ANAPC1: variants seen among roughly 807,000 people sequenced by gnomAD.
The protein encoded by ANAPC1 is anaphase promoting complex subunit 1.
ANAPC1 carries 36 observed loss-of-function variants against 208.0 expected under a neutral mutation model. The ratio of observed to expected loss-of-function variants is 0.17; its 90% CI spans 0.13 to 0.23. The LOEUF is 0.23. Ranked by LOEUF, ANAPC1 falls within the 10% of genes least tolerant of loss-of-function variation. The pLI is 1.00. For synonymous variants in ANAPC1, 378 were observed against 695.2 expected (o/e 0.54, Z 7.18); for missense variants, 942 against 2,011.6 (o/e 0.47, Z 10.17).
chr2:111,779,721 T>C (rs1421066491), intron 44 of ANAPC1: 1 of 156,034 alleles, frequency 6.4e-6, no homozygotes, highest in African/African-American at 2.4e-5. Flanking sequence ...TACATGCCTG[T>C]AGTCCCAGCT....
intron 21 of ANAPC1, among the ~76,000 whole-genome samples, chr2:111,828,011 T>C (rs1679930089): frequency 6.6e-6 from 1 of 152,090 alleles, no homozygotes; most frequent in African/African-American, 2.4e-5. Flanking sequence ...CAGAAAAACC[T>C]ATAGAATGGG....
chr2:111,810,223 G>A (rs7574263), intron 28 of ANAPC1, among the ~76,000 whole-genome samples: 35,251 of 150,422 alleles, frequency 0.23, 4,406 homozygotes, highest in South Asian at 0.35. Flanking sequence ...ATATGACTCC[G>A]TTCACATGAA....
At chr2:111,772,602 C>T (rs1226485399) in intron 46 of ANAPC1, 127 bp from the exon 47 acceptor site, 10 of 503,632 alleles carry the variant, frequency 2.0e-5, no homozygotes, top group African/African-American at 6.1e-5. Flanking sequence ...GTTCTATAGC[C>T]GGTATTGAGG....
chr2:111,836,826 G>C (rs1680494891), intron 18 of ANAPC1, among the ~76,000 whole-genome samples: 1 of 151,976 alleles, frequency 6.6e-6, no homozygotes, highest in Non-Finnish European at 1.5e-5. Flanking sequence ...AAATTAGCCA[G>C]GCATGGTGGC....
intron 3 of ANAPC1, among the ~76,000 whole-genome samples, chr2:111,873,900 G>A (rs569767206): frequency 6.6e-6 from 1 of 151,598 alleles, no homozygotes; most frequent in Non-Finnish European, 1.5e-5. Flanking sequence ...AGATCCATAG[G>A]AATTAAAATT....
intron 44 of ANAPC1, chr2:111,779,161 G>A (rs1205094446): frequency 5.4e-6 from 1 of 184,244 alleles, no homozygotes; most frequent in Non-Finnish European, 1.1e-5. Context: ...GTCAAGTCCA[G>A]CTGGGGTTAA....
At chr2:111,821,524 T>C in intron 25 of ANAPC1, 71 bp from the exon 26 acceptor site, 2 of 1,466,474 alleles carry the variant, frequency 1.4e-6, no homozygotes, top group South Asian at 1.2e-5. Context: ...CATGAGGATA[T>C]ATAGGCTGAT....
intron 10 of ANAPC1, among the ~76,000 whole-genome samples, chr2:111,860,617 G>A (rs1354739883): frequency 7.5e-4 from 111 of 148,986 alleles, no homozygotes; most frequent in African/African-American, 2.7e-3. Context: ...CCAGTACCTG[G>A]CAATACTGGC....
Position 111,856,086 on chromosome 2 carries a change from T to G in ANAPC1, c.1515+528A>C, listed in dbSNP as rs183739767. Reference sequence around the variant, plus strand: ...CCGTCTCTACTAAAAATACAAAAAATTAGCCAGGCGTGGTGGCAGGCGCCT... The same window carrying G: ...CCGTCTCTACTAAAAATACAAAAAAGTAGCCAGGCGTGGTGGCAGGCGCCT... On this transcript the variant is annotated intron_variant, in intron 13 of 47. Transcript: ENST00000341068. Among the ~76,000 whole-genome samples, 691 of 152,066 alleles carry G rather than the reference T, an allele frequency of 4.5e-3. 8 individuals carry two copies. Among genetic ancestry groups the G allele is most frequent in the Admixed American group, 0.015 (230 of 15,272 alleles).
chr2:111,824,886 C>T lies in ANAPC1; in HGVS notation c.2812+80G>A. ...TGAGGCCTTTTCACAAAGCCAGAGC[C>T]CCTCTCTCCTCATGCCTTCCACTTC... On this transcript the variant is annotated intron_variant, in intron 24 of 47. Transcript: ENST00000341068. 3 of 1,488,866 alleles carry T rather than the reference C, an allele frequency of 2.0e-6. No homozygotes were observed. In the South Asian group the frequency reaches 3.5e-5, roughly 17 times the overall value. The allele number at this position is 1,488,866 out of a possible 1,614,324, so 92.2% of individuals were successfully genotyped here.
At chr2:111,832,562 T>C (rs1329850688) in intron 20 of ANAPC1, among the ~76,000 whole-genome samples, 3 of 152,110 alleles carry the variant, frequency 2.0e-5, no homozygotes, top group Non-Finnish European at 1.5e-5. Context: ...ACTGAGGAAA[T>C]ATGTTTTATT....
At chr2:111,842,332 C>T (rs1680808252) in intron 17 of ANAPC1, among the ~76,000 whole-genome samples, 1 of 151,958 alleles carries the variant, frequency 6.6e-6, no homozygotes, top group Non-Finnish European at 1.5e-5. Flanking sequence ...ATAATTAAGA[C>T]AAAAAACAAA....
chr2:111,778,111 A>G (rs1677085666), intron 45 of ANAPC1, among the ~76,000 whole-genome samples: 1 of 152,202 alleles, frequency 6.6e-6, no homozygotes, highest in South Asian at 2.1e-4. Flanking sequence ...TAATTTGCCT[A>G]AAGTGAATAA....
chr2:111,850,272 T>C (rs1174745712), intron 14 of ANAPC1, among the ~76,000 whole-genome samples: 1 of 151,134 alleles, frequency 6.6e-6, no homozygotes, highest in African/African-American at 2.4e-5. Flanking sequence ...TTATCTGGCC[T>C]TCCTGCCTGT....
At chr2:111,851,972 C>A (rs992282671) in intron 13 of ANAPC1, among the ~76,000 whole-genome samples, 1 of 152,052 alleles carries the variant, frequency 6.6e-6, no homozygotes, top group African/African-American at 2.4e-5. Context: ...TAACAACGTA[C>A]GTATTCATGT....
intron 37 of ANAPC1, among the ~76,000 whole-genome samples, chr2:111,792,843 C>T (rs1248914179): frequency 6.6e-6 from 1 of 152,084 alleles, no homozygotes; most frequent in Non-Finnish European, 1.5e-5. Context: ...GTCCCAGCTG[C>T]TCGGGAGGCT....
At chr2:111,859,176 C>T (rs758047291) in intron 10 of ANAPC1, among the ~76,000 whole-genome samples, 5 of 152,154 alleles carry the variant, frequency 3.3e-5, no homozygotes, top group Non-Finnish European at 5.9e-5. Context: ...AATTCCCAAA[C>T]CCTTCCTTCT....
At chr2:111,872,813 T>C in intron 5 of ANAPC1, 101 bp from the exon 6 acceptor site, 6 of 745,116 alleles carry the variant, frequency 8.1e-6, no homozygotes, top group Non-Finnish European at 1.4e-5. Context: ...TCCAATTTAG[T>C]AATAGCTTTA....
rs1462354597 is a variant in ANAPC1 at position 111,809,184 on chromosome 2, AAGAT to A, written c.3598-7_3598-4del. 15 of 1,597,516 alleles carry A rather than the reference AAGAT, an allele frequency of 9.4e-6. No individual in the cohort carries two copies. The African/African-American group carries it at 2.1e-4, about 22-fold the overall frequency. Reference sequence around the variant, plus strand: ...CCAATGCTTGTCATTTCATGGCCCTAAGATAGAAACAAAACAAATACATAGTTTA... The same window carrying A: ...CCAATGCTTGTCATTTCATGGCCCTAAGAAACAAAACAAATACATAGTTTA... On this transcript the variant is annotated splice_region_variant and splice_polypyrimidine_tract_variant and intron_variant, in intron 28 of 47. Transcript: ENST00000341068.
Sources: allele counts gnomAD v4.1 joint callset (sites outside exome capture counted in the v4.1 genomes callset), GRCh38; gene constraint gnomAD v4.1.1; transcripts MANE v1.5; gene names NCBI Gene and HGNC (gene_info 2026-07-23, HGNC 2026-07-21).